ENTHD1: variants seen among roughly 807,000 people sequenced by gnomAD.
ENTHD1 encodes the protein ENTH domain-containing protein 1.
A neutral mutation model predicts 39.1 loss-of-function variants in ENTHD1; 23 were observed. That is an observed-to-expected ratio of 0.59 (90% confidence interval 0.42 to 0.83). The LOEUF is 0.83. Ranked by LOEUF, ENTHD1 falls within the 40% of genes least tolerant of loss-of-function variation. ENTHD1 has a pLI of 0.00. For missense variants in ENTHD1, 624 were observed against 705.4 expected, an observed-to-expected ratio of 0.88 and a Z score of 1.31; for synonymous variants, 230 against 258.2, an observed-to-expected ratio of 0.89 and a Z score of 1.05.
intron 2 of ENTHD1, chr22:39,875,980 T>C: frequency 1.2e-6 from 2 of 1,613,836 alleles, no homozygotes; most frequent in Non-Finnish European, 1.7e-6. Context: ...ATGCAGGAGA[T>C]TTTGGTGGTT....
At chr22:39,790,321 C>T (rs1029892342) in intron 5 of ENTHD1, among the ~76,000 whole-genome samples, 7 of 152,104 alleles carry the variant, frequency 4.6e-5, no homozygotes, top group African/African-American at 1.7e-4. Context: ...CAATGGTGGA[C>T]AGGATATCTT....
chr22:39,762,298 T>C (rs2065240830), intron 6 of ENTHD1, among the ~76,000 whole-genome samples: 1 of 152,226 alleles, frequency 6.6e-6, no homozygotes, highest in Non-Finnish European at 1.5e-5. Flanking sequence ...TTGATAACTT[T>C]CCAGCTTCCC....
intron 3 of ENTHD1, among the ~76,000 whole-genome samples, chr22:39,848,977 A>G (rs1290417131): frequency 6.6e-6 from 1 of 152,154 alleles, no homozygotes; most frequent in African/African-American, 2.4e-5. Flanking sequence ...TTTCTCCACT[A>G]TTCAAAAATG....
At chr22:39,745,540 G>A (rs2065097027) in intron 6 of ENTHD1, among the ~76,000 whole-genome samples, 1 of 152,110 alleles carries the variant, frequency 6.6e-6, no homozygotes, top group African/African-American at 2.4e-5. Context: ...AAACTTTTTT[G>A]GGGATGAAAT....
At chr22:39,803,851 GA>G (rs1227322815) in intron 5 of ENTHD1, among the ~76,000 whole-genome samples, 2 of 152,146 alleles carry the variant, frequency 1.3e-5, no homozygotes, top group Non-Finnish European at 1.5e-5. Flanking sequence ...TTATTGAATG[GA>G]AGTGTTTCAA....
intron 5 of ENTHD1, among the ~76,000 whole-genome samples, chr22:39,767,476 AC>A (rs1362442774): frequency 6.6e-6 from 1 of 152,104 alleles, no homozygotes; most frequent in Non-Finnish European, 1.5e-5. Context: ...ACAAAACAAA[AC>A]AAAACAAAAC....
intron 6 of ENTHD1, among the ~76,000 whole-genome samples, chr22:39,757,238 T>TTTTA (rs2065191977): frequency 6.6e-6 from 1 of 152,092 alleles, no homozygotes. Context: ...CTGTAAATGG[T>TTTTA]ACTGTTTTAA....
intron 5 of ENTHD1, among the ~76,000 whole-genome samples, chr22:39,788,282 A>G (rs993238337): frequency 1.3e-5 from 2 of 152,226 alleles, no homozygotes; most frequent in Non-Finnish European, 2.9e-5. Flanking sequence ...ATGGGAGATC[A>G]AATTATCAAT....
chr22:39,784,113 C>T (rs1453701254), intron 5 of ENTHD1, among the ~76,000 whole-genome samples: 1 of 152,016 alleles, frequency 6.6e-6, no homozygotes, highest in African/African-American at 2.4e-5. Flanking sequence ...CAAAAGAAGA[C>T]AGACACATGG....
At chr22:39,757,103 T>C (rs2065191220) in intron 6 of ENTHD1, among the ~76,000 whole-genome samples, 1 of 152,010 alleles carries the variant, frequency 6.6e-6, no homozygotes, top group African/African-American at 2.4e-5. Context: ...AGTCTTCCAA[T>C]CCATGAACAC....
chr22:39,792,730 G>A (rs1044128287), intron 5 of ENTHD1, among the ~76,000 whole-genome samples: 1 of 152,016 alleles, frequency 6.6e-6, no homozygotes, highest in Non-Finnish European at 1.5e-5. Context: ...GCTCTATCTG[G>A]GCAGCAGGCA....
chr22:39,845,244 A>G (rs1254030198), intron 3 of ENTHD1, among the ~76,000 whole-genome samples: 2 of 152,176 alleles, frequency 1.3e-5, no homozygotes, highest in Non-Finnish European at 2.9e-5. Context: ...ACTCCATCAC[A>G]GGGCCCATGT....
At chr22:39,755,694 T>C (rs376568769) in intron 6 of ENTHD1, among the ~76,000 whole-genome samples, 6 of 152,304 alleles carry the variant, frequency 3.9e-5, no homozygotes, top group African/African-American at 1.4e-4. Flanking sequence ...AGGGTTAGGA[T>C]GGGACTGAGG....
intron 4 of ENTHD1, among the ~76,000 whole-genome samples, chr22:39,824,400 G>C (rs750761759): frequency 2.6e-5 from 4 of 151,594 alleles, no homozygotes; most frequent in Admixed American, 6.6e-5. Context: ...TAGTAGAGAC[G>C]GGGTTTTACC....
chr22:39,806,385 C>T (rs763715543), intron 5 of ENTHD1, among the ~76,000 whole-genome samples: 1 of 152,170 alleles, frequency 6.6e-6, no homozygotes, highest in African/African-American at 2.4e-5. Context: ...TGGGGAACCT[C>T]GCTGGTGAGC....
chr22:39,793,540 T>C (rs2053507885), intron 5 of ENTHD1, among the ~76,000 whole-genome samples: 1 of 152,206 alleles, frequency 6.6e-6, no homozygotes, highest in Non-Finnish European at 1.5e-5. Flanking sequence ...CCTGTGCTTT[T>C]GAGGTCTTAG....
chr22:39,821,272 G>T (rs1454294450), intron 4 of ENTHD1, among the ~76,000 whole-genome samples, 159 bp from the exon 5 acceptor site: 1 of 152,140 alleles, frequency 6.6e-6, no homozygotes, highest in East Asian at 1.9e-4. Flanking sequence ...GCTGTCTACT[G>T]GGTGTAGGGA....
At chr22:39,832,060 G>A (rs2065873357) in intron 4 of ENTHD1, among the ~76,000 whole-genome samples, 1 of 152,204 alleles carries the variant, frequency 6.6e-6, no homozygotes, top group African/African-American at 2.4e-5. Context: ...GCTCATGCCT[G>A]TAATCCCAGT....
intron 2 of ENTHD1, among the ~76,000 whole-genome samples, chr22:39,868,962 A>G (rs1166414235): frequency 6.6e-6 from 1 of 152,242 alleles, no homozygotes; most frequent in Admixed American, 6.5e-5. Context: ...TCAAAAAGCC[A>G]AAAAACAACA....
Sources: allele counts gnomAD v4.1 joint callset (sites outside exome capture counted in the v4.1 genomes callset), GRCh38; gene constraint gnomAD v4.1.1; transcripts MANE v1.5; gene names NCBI Gene and HGNC (gene_info 2026-07-23, HGNC 2026-07-21).